LCOR: variants seen among roughly 807,000 people sequenced by gnomAD.
LCOR encodes ligand dependent nuclear receptor corepressor.
Under a neutral mutation model 64.4 loss-of-function variants are expected in LCOR, and 14 were observed. The observed-to-expected ratio is 0.22, with a 90% CI of 0.14 to 0.34. LCOR has a LOEUF of 0.34. Ranked by LOEUF, LCOR falls within the 10% of genes least tolerant of loss-of-function variation. The pLI is 1.00. For synonymous variants in LCOR, 643 were observed against 642.5 expected (o/e 1.00, Z -0.01); for missense variants, 1,686 against 1,765.3 (o/e 0.96, Z 0.80).
intron 2 of LCOR, among the ~76,000 whole-genome samples, chr10:96,854,200 A>C (rs1375948427): frequency 6.6e-6 from 1 of 152,238 alleles, no homozygotes; most frequent in Non-Finnish European, 1.5e-5. Context: ...TGAATATCTT[A>C]CTGGCTAAAT....
chr10:96,906,255 G>A (rs1222860954), intron 2 of LCOR, among the ~76,000 whole-genome samples: 2 of 152,176 alleles, frequency 1.3e-5, no homozygotes, highest in South Asian at 2.1e-4. Flanking sequence ...GTAATCCTAT[G>A]CCTTTGAAAA....
At chr10:96,868,266 T>C (rs1846010832) in intron 2 of LCOR, among the ~76,000 whole-genome samples, 1 of 149,440 alleles carries the variant, frequency 6.7e-6, no homozygotes, top group Non-Finnish European at 1.5e-5. Flanking sequence ...CTTTTTTCTT[T>C]TCTTTTCTTT....
At chr10:96,865,874 CAAAA>C (rs57814101) in intron 2 of LCOR, among the ~76,000 whole-genome samples, 2 of 88,996 alleles carry the variant, frequency 2.2e-5, no homozygotes, top group African/African-American at 3.5e-5. Flanking sequence ...GACTCTGTCT[CAAAA>C]AAAAAAAAAA....
chr10:96,938,899 C>T (rs1847399270), intron 4 of LCOR, among the ~76,000 whole-genome samples: 1 of 152,170 alleles, frequency 6.6e-6, no homozygotes, highest in Admixed American at 6.5e-5. Context: ...GTTCATGGAT[C>T]AGAAGACTTA....
At chr10:96,868,597 A>G (rs1846018365) in intron 2 of LCOR, among the ~76,000 whole-genome samples, 1 of 152,132 alleles carries the variant, frequency 6.6e-6, no homozygotes, top group African/African-American at 2.4e-5. Context: ...TTTAAAAGTC[A>G]TCAAATTCTT....
chr10:96,976,464 G>A (rs751845491), intron 7 of LCOR, among the ~76,000 whole-genome samples: 6 of 152,172 alleles, frequency 3.9e-5, no homozygotes, highest in Non-Finnish European at 8.8e-5. Context: ...CTTGCCATGA[G>A]GTTGTGAAAT....
At chr10:96,954,153 C>T (rs571046609) in intron 7 of LCOR, among the ~76,000 whole-genome samples, 8 of 152,168 alleles carry the variant, frequency 5.3e-5, no homozygotes, top group African/African-American at 1.7e-4. Flanking sequence ...TTGAGTAGAA[C>T]TTAAGGGGTA....
At chr10:96,845,304 T>G (rs1225175060) in intron 2 of LCOR, among the ~76,000 whole-genome samples, 1 of 151,966 alleles carries the variant, frequency 6.6e-6, no homozygotes, top group African/African-American at 2.4e-5. Flanking sequence ...ACGTCGGTGT[T>G]TATGAGTATT....
In LCOR at chr10:96,974,549, G is replaced by A. The variant is rs147225064; in HGVS notation, c.333-6244G>A. Among the ~76,000 whole-genome samples, 351 of 152,284 alleles carry A rather than the reference G, an allele frequency of 2.3e-3. 1 individual carries two copies. The highest frequency in any genetic ancestry group is 8.0e-3 in the African/African-American group (332 of 41,560). ...CATCGTATGATACAGACTATAATCTGCACCGAACTAAAACAGTGCTTCCTG... is the reference window on the plus strand; with the variant it reads ...CATCGTATGATACAGACTATAATCTACACCGAACTAAAACAGTGCTTCCTG... On this transcript the variant is annotated intron_variant, in intron 7 of 7. Coordinates refer to ENST00000421806, the MANE Select transcript of LCOR (RefSeq NM_001346516.2).
chr10:96,984,729 G>T lies in LCOR; in HGVS notation c.4269G>T (p.Lys1423Asn), dbSNP rs199812997. Residue 1423 changes from lysine to asparagine, a missense_variant, in exon 8 of 8, where the codon AAG (lysine) becomes AAT (asparagine). Lys to Asn is a moderately conservative substitution (Grantham distance 94). Transcript: ENST00000421806. ...KGPTVKASKE[K>N]HADGATKTPA... ...CTACGGTGAAAGCCAGCAAAGAAAAGCATGCTGATGGAGCCACCAAAACCC... is the reference window on the plus strand; with the variant it reads ...CTACGGTGAAAGCCAGCAAAGAAAATCATGCTGATGGAGCCACCAAAACCC... 1.9e-6 allele frequency: 3 copies of T among 1,613,860 alleles called. No homozygotes were observed. The East Asian group carries it at 6.7e-5, about 36-fold the overall frequency.
intron 2 of LCOR, among the ~76,000 whole-genome samples, chr10:96,881,275 A>G (rs1564613824): frequency 6.6e-6 from 1 of 152,200 alleles, no homozygotes; most frequent in Non-Finnish European, 1.5e-5. Context: ...CTATCTCAGA[A>G]TTGTTGTGAA....
chr10:96,885,260 C>T (rs902629672), intron 2 of LCOR, among the ~76,000 whole-genome samples: 3 of 152,126 alleles, frequency 2.0e-5, no homozygotes, highest in Admixed American at 1.3e-4. Context: ...GATTTGTACC[C>T]AATGTGTTTT....
intron 2 of LCOR, among the ~76,000 whole-genome samples, chr10:96,899,965 T>A (rs556620709): frequency 9.2e-4 from 140 of 152,298 alleles, no homozygotes; most frequent in African/African-American, 3.3e-3. Flanking sequence ...CTATTTTAAG[T>A]GTGCAGTTCA....
Position 96,988,620 on chromosome 10 carries a change from A to G in LCOR, c.*3486A>G, listed in dbSNP as rs1375679610. 6.6e-6 allele frequency: 1 copy of G among 152,156 alleles called. No homozygotes were observed. Among genetic ancestry groups the G allele is most frequent in the East Asian group, 1.9e-4 (1 of 5,198 alleles). 9.4% of individuals were successfully genotyped at this position (152,156 alleles called of 1,614,324 possible). ...TTCCTGCTTTGTAATGGGTTCGGTC[A>G]TGAGGGTGGGAGCTGTCATTCACAT... On this transcript the variant is annotated 3_prime_UTR_variant, in exon 8 of 8. Coordinates refer to ENST00000421806, the MANE Select transcript of LCOR (RefSeq NM_001346516.2).
intron 7 of LCOR, among the ~76,000 whole-genome samples, chr10:96,974,965 T>C (rs965601856): frequency 2.6e-5 from 4 of 152,208 alleles, no homozygotes; most frequent in African/African-American, 9.6e-5. Flanking sequence ...GGTCAGGCGC[T>C]TAAGACCAGC....
intron 4 of LCOR, among the ~76,000 whole-genome samples, chr10:96,921,492 C>A (rs1025730441): frequency 6.6e-6 from 1 of 152,022 alleles, no homozygotes; most frequent in African/African-American, 2.4e-5. Flanking sequence ...GACGGAGTTT[C>A]GCTCTATCTC....
intron 2 of LCOR, among the ~76,000 whole-genome samples, chr10:96,900,751 ATGGC>A (rs1846620116): frequency 6.6e-6 from 1 of 151,934 alleles, no homozygotes; most frequent in South Asian, 2.1e-4. Context: ...CCCAGAGTGA[ATGGC>A]TGTTCTACTT....
At chr10:96,884,406 A>T (rs925579494) in intron 2 of LCOR, among the ~76,000 whole-genome samples, 1 of 152,228 alleles carries the variant, frequency 6.6e-6, no homozygotes, top group African/African-American at 2.4e-5. Context: ...TTTGCAGGGC[A>T]TAAGCAAGGG....
At chr10:96,959,301 A>G (rs528775856) in intron 7 of LCOR, 2 of 152,328 alleles carry the variant, frequency 1.3e-5, no homozygotes, top group East Asian at 3.9e-4. Flanking sequence ...GGGAAAGTGT[A>G]GTTCACAACT....
Sources: gnomAD v4.1 joint callset for allele counts (sites outside exome capture counted in the v4.1 genomes callset) on GRCh38, gnomAD v4.1.1 for gene constraint, MANE v1.5 for transcripts, NCBI Gene and HGNC (gene_info 2026-07-23, HGNC 2026-07-21) for gene names.